The following GRM5 variants were observed in gnomAD, a reference collection of about 807,000 sequenced individuals.
GRM5 encodes the protein glutamate metabotropic receptor 5.
In GRM5, 19 loss-of-function variants were observed where a neutral mutation model predicts 83.1. The observed-to-expected ratio is 0.23, with a 90% CI of 0.16 to 0.34. The LOEUF is 0.34. Among genes scored for constraint, GRM5 ranks in the 10% least tolerant of loss-of-function variants. GRM5 has a pLI of 1.00. For synonymous variants in GRM5, 675 were observed against 633.6 expected (o/e 1.07, Z -0.98); for missense variants, 1,160 against 1,588.3 (o/e 0.73, Z 4.58).
In GRM5 at chr11:88,877,062, A is replaced by T. The variant is rs1198399532; in HGVS notation, c.662-26907T>A. Among the ~76,000 whole-genome samples, 12 of 152,214 alleles carry T rather than the reference A, an allele frequency of 7.9e-5. No homozygotes were observed. In the East Asian group the frequency reaches 2.1e-3, roughly 27 times the overall value. ...TAGGATAGTGGTTACCAGATGCTGG[A>T]AAGAGTAGCAGGGAAGAGGGGAGGG... is the stretch of plus-strand genomic sequence containing the variant. On this transcript the variant is annotated intron_variant, in intron 2 of 9. Coordinates refer to ENST00000305447, the MANE Select transcript of GRM5 (RefSeq NM_001143831.3).
chr11:88,744,656 G>A lies in GRM5; in HGVS notation c.912-91253C>T, dbSNP rs187163531. On this transcript the variant is annotated intron_variant, in intron 3 of 9. Coordinates refer to ENST00000305447, the MANE Select transcript of GRM5 (RefSeq NM_001143831.3). ...CGCTTCACAGCAGAAATGGTAGGGCGTGTCCTACTGCACCATGATGCCTTC... is the reference window on the plus strand; with the variant it reads ...CGCTTCACAGCAGAAATGGTAGGGCATGTCCTACTGCACCATGATGCCTTC... Among the ~76,000 whole-genome samples, 349 of 152,224 alleles carry A rather than the reference G, an allele frequency of 2.3e-3. 4 individuals are homozygous for A. Among genetic ancestry groups the A allele is most frequent in the Admixed American group, 5.1e-3 (78 of 15,274 alleles).
At position 88,812,286 on chromosome 11, in the gene GRM5, T is replaced by C. The variant is rs1943601695; in HGVS notation, c.911+37620A>G. 2.8e-5 allele frequency among the ~76,000 whole-genome samples: 3 copies of C among 108,392 alleles called. No homozygotes were observed. The Admixed American group carries it at 2.8e-4, about 10-fold the overall frequency. 71.1% of individuals were successfully genotyped at this position (108,392 alleles called of 152,430 possible). A position where few individuals can be genotyped will look rare whatever the true frequency, so the allele number is the denominator to read the frequency against. On this transcript the variant is annotated intron_variant, in intron 3 of 9. Coordinates refer to ENST00000305447, the MANE Select transcript of GRM5 (RefSeq NM_001143831.3). ...GAGGCTCTGAAGAGGCCCCCAAAAATTGAGATAATTATAGTGATACGTCAA... is the reference window on the plus strand; with the variant it reads ...GAGGCTCTGAAGAGGCCCCCAAAAACTGAGATAATTATAGTGATACGTCAA...
intron 7 of GRM5, among the ~76,000 whole-genome samples, chr11:88,580,485 G>T (rs1457169700): frequency 6.6e-6 from 1 of 152,114 alleles, no homozygotes; most frequent in African/African-American, 2.4e-5. Context: ...TTTTGGGAAG[G>T]TTATTTTTTT....
Position 88,761,387 on chromosome 11 carries a change from T to C in GRM5, c.911+88519A>G, listed in dbSNP as rs191557131. On this transcript the variant is annotated intron_variant, in intron 3 of 9. Coordinates refer to ENST00000305447, the MANE Select transcript of GRM5 (RefSeq NM_001143831.3). ...ACAAAACCAACATTAAAATGTTCAC[T>C]AGTATTCCTAAACACCAACAACCAT... 3.3e-5 allele frequency among the ~76,000 whole-genome samples: 5 copies of C among 152,102 alleles called. No individual in the cohort carries two copies. The East Asian group carries it at 7.7e-4, about 24-fold the overall frequency.
chr11:88,782,715 T>C (rs1262597845), intron 3 of GRM5, among the ~76,000 whole-genome samples: 1 of 152,164 alleles, frequency 6.6e-6, no homozygotes, highest in Non-Finnish European at 1.5e-5. Flanking sequence ...TTTCACCATG[T>C]TATGGAAGAA....
chr11:88,582,655 T>C lies in GRM5; in HGVS notation c.1690+7946A>G, dbSNP rs144092391. ...TCATCAAAACTCATCAGAAATTTCC[T>C]CTAAAGAATCATAAACAAATAATAT... On this transcript the variant is annotated intron_variant, in intron 7 of 9. Coordinates refer to ENST00000305447, the MANE Select transcript of GRM5 (RefSeq NM_001143831.3). Among the ~76,000 whole-genome samples the C allele has an allele frequency of 7.3e-3, 1,114 of 152,324 alleles. 12 individuals are homozygous for C. Among genetic ancestry groups the C allele is most frequent in the African/African-American group, 0.026 (1,076 of 41,582 alleles).
rs1941194439 is a variant in GRM5, at chr11:88,506,813, T to C, written c.*1779A>G. 1 of 152,154 alleles carries C rather than the reference T, an allele frequency of 6.6e-6. No individual in the cohort carries two copies. The highest frequency in any genetic ancestry group is 1.5e-5 in the Non-Finnish European group (1 of 68,010). The allele number at this position is 152,154 out of a possible 1,614,324, so 9.4% of individuals were successfully genotyped here. A position where few individuals can be genotyped will look rare whatever the true frequency, so the allele number is the denominator to read the frequency against. ...CAATGGACTGACTTCTATTTCTCAG[T>C]TTATTTTCTGTTAAGTAGATGTGAA... On this transcript the variant is annotated 3_prime_UTR_variant, in exon 10 of 10. Transcript: ENST00000305447.
chr11:88,992,580 T>C (rs1429518275), intron 2 of GRM5, among the ~76,000 whole-genome samples: 1 of 151,816 alleles, frequency 6.6e-6, no homozygotes, highest in African/African-American at 2.4e-5. Context: ...ATGTTTATTG[T>C]GGCACTATTC....
chr11:88,783,642 C>G (rs1264182375), intron 3 of GRM5, among the ~76,000 whole-genome samples: 1 of 152,004 alleles, frequency 6.6e-6, no homozygotes, highest in Non-Finnish European at 1.5e-5. Flanking sequence ...CTCCCTCTCT[C>G]TCTCTGGAAA....
At chr11:88,902,314 T>G (rs1945326146) in intron 2 of GRM5, among the ~76,000 whole-genome samples, 1 of 152,054 alleles carries the variant, frequency 6.6e-6, no homozygotes, top group Non-Finnish European at 1.5e-5. Flanking sequence ...TGGGAACATT[T>G]AAAAATTTCC....
intron 3 of GRM5, among the ~76,000 whole-genome samples, chr11:88,664,584 C>T (rs960433020): frequency 6.6e-5 from 10 of 151,940 alleles, no homozygotes; most frequent in African/African-American, 2.4e-4. Flanking sequence ...GTAGCAGGGA[C>T]TACGGGTGTG....
chr11:88,770,746 T>C (rs1942717967), intron 3 of GRM5, among the ~76,000 whole-genome samples: 1 of 152,140 alleles, frequency 6.6e-6, no homozygotes. Context: ...CAGAAATTGA[T>C]AGGGGTTACA....
At chr11:88,965,194 G>T (rs1938914184) in intron 2 of GRM5, among the ~76,000 whole-genome samples, 2 of 152,156 alleles carry the variant, frequency 1.3e-5, no homozygotes, top group Non-Finnish European at 2.9e-5. Context: ...CTTAGACAGG[G>T]TGGCTTATAA....
intron 8 of GRM5, among the ~76,000 whole-genome samples, chr11:88,528,770 G>A (rs920093336): frequency 3.3e-5 from 5 of 152,060 alleles, no homozygotes; most frequent in Admixed American, 6.6e-5. Context: ...TATTGAGCAT[G>A]CCAGGCTGTT....
chr11:88,575,492 T>C (rs527492110), intron 7 of GRM5, among the ~76,000 whole-genome samples: 1 of 152,334 alleles, frequency 6.6e-6, no homozygotes, highest in East Asian at 1.9e-4. Flanking sequence ...GTCTATTTAG[T>C]AGGAAACAGA....
At chr11:88,991,402 AG>A (rs1402620654) in intron 2 of GRM5, among the ~76,000 whole-genome samples, 1 of 152,008 alleles carries the variant, frequency 6.6e-6, no homozygotes, top group Non-Finnish European at 1.5e-5. Context: ...GCTCATGGGT[AG>A]GAAGAATCAA....
intron 7 of GRM5, among the ~76,000 whole-genome samples, chr11:88,579,445 A>C (rs1293797036): frequency 6.6e-6 from 1 of 152,196 alleles, no homozygotes; most frequent in Non-Finnish European, 1.5e-5. Flanking sequence ...GAGGTGATAT[A>C]AGAGGTAGAG....
chr11:89,046,303 T>C (rs183409434), intron 2 of GRM5, among the ~76,000 whole-genome samples: 12 of 152,280 alleles, frequency 7.9e-5, no homozygotes, highest in Middle Eastern at 3.4e-3. Flanking sequence ...TCTCAACAAA[T>C]ACAATAATTC....
intron 8 of GRM5, among the ~76,000 whole-genome samples, chr11:88,532,072 A>G (rs939727257): frequency 1.3e-5 from 2 of 152,182 alleles, no homozygotes; most frequent in South Asian, 2.1e-4. Context: ...GATTTCTCTA[A>G]GAAGTCTGTG....
Sources: gnomAD v4.1 joint callset for allele counts (sites outside exome capture counted in the v4.1 genomes callset) on GRCh38, gnomAD v4.1.1 for gene constraint, MANE v1.5 for transcripts, NCBI Gene and HGNC (gene_info 2026-07-23, HGNC 2026-07-21) for gene names.